Variants in RBAK observed in about 807,000 individuals in gnomAD.
RBAK encodes RB-associated KRAB zinc finger protein.
RBAK carries 39 observed loss-of-function variants against 65.8 expected under a neutral mutation model. The observed-to-expected ratio is 0.59, with a 90% CI of 0.46 to 0.77. RBAK has a LOEUF of 0.77. Among genes scored for constraint, RBAK ranks in the 30% least tolerant of loss-of-function variants. The probability of loss-of-function intolerance (pLI) is 0.00; values close to 1 mark genes in which losing one functional copy is unlikely to be tolerated. For missense variants in RBAK, 884 were observed against 855.1 expected (o/e 1.03, Z -0.42); for synonymous variants, 343 against 289.7 (o/e 1.18, Z -1.87).
Position 5,057,792 on chromosome 7 carries a change from C to G in RBAK, c.238+13C>G. The G allele has an allele frequency of 6.2e-7, 1 of 1,613,556 alleles. No homozygotes were observed. The highest frequency in any genetic ancestry group is 8.5e-7 in the Non-Finnish European group (1 of 1,179,626). On this transcript the variant is annotated intron_variant, in intron 4 of 4. Transcript: ENST00000396912. ...CAACATAGTCCAGGTAAGTTAGTAG[C>G]GTATCAAAGGTTAAAAAATGCTCAT...
In RBAK at chr7:5,057,929, T is replaced by A. The variant is rs752667372; in HGVS notation, c.238+150T>A. 3 of 786,220 alleles carry A rather than the reference T, an allele frequency of 3.8e-6. No individual in the cohort carries two copies. The African/African-American group carries it at 5.3e-5, about 14-fold the overall frequency. 48.7% of individuals were successfully genotyped at this position (786,220 alleles called of 1,614,324 possible). A position where few individuals can be genotyped will look rare whatever the true frequency, so the allele number is the denominator to read the frequency against. On this transcript the variant is annotated intron_variant, in intron 4 of 4. Transcript: ENST00000396912. ...TTCCCGCACACATACATGAACTCTT[T>A]TGTTGATTTTACATTTGATTTACAT...
Position 5,068,923 on chromosome 7 carries a change from C to T in RBAK, c.*3322C>T, listed in dbSNP as rs1204426567. ...GAATGAAAGACTCCAGACACAAAAGCCAACATGCTGTATGATTCCTTCTAT... is the reference window on the plus strand; with the variant it reads ...GAATGAAAGACTCCAGACACAAAAGTCAACATGCTGTATGATTCCTTCTAT... On this transcript the variant is annotated 3_prime_UTR_variant, in exon 5 of 5. Coordinates refer to ENST00000396912, the MANE Select transcript of RBAK (RefSeq NM_021163.4). The T allele has an allele frequency of 2.0e-5, 3 of 152,284 alleles. No individual in the cohort carries two copies. The highest frequency in any genetic ancestry group is 4.1e-4 in the South Asian group (2 of 4,828). 9.4% of individuals were successfully genotyped at this position (152,284 alleles called of 1,614,324 possible). A position where few individuals can be genotyped will look rare whatever the true frequency, so the allele number is the denominator to read the frequency against.
At chr7:5,057,048 A>T (rs892301452) in intron 2 of RBAK, 38 of 195,032 alleles carry the variant, frequency 1.9e-4, no homozygotes, top group Non-Finnish European at 3.2e-4. Flanking sequence ...TTGGGTTTTT[A>T]TTTTTGTGGG....
chr7:5,061,952 A>G (rs1272603058), intron 4 of RBAK, among the ~76,000 whole-genome samples: 3 of 151,990 alleles, frequency 2.0e-5, no homozygotes, highest in African/African-American at 7.2e-5. Flanking sequence ...TCTTTTGGAC[A>G]TTCACATGCC....
intron 4 of RBAK, among the ~76,000 whole-genome samples, chr7:5,061,027 T>C (rs1779056892): frequency 6.6e-6 from 1 of 152,230 alleles, no homozygotes; most frequent in South Asian, 2.1e-4. Flanking sequence ...CTTGTTTGTA[T>C]TCAGAATTAA....
Position 5,065,426 on chromosome 7 carries a change from G to A in RBAK, c.1970G>A (p.Gly657Glu). The change falls in exon 5 of 5, where the codon GGG (glycine) becomes GAG (glutamate). Residue 657 changes from glycine (G) to glutamate (E), a missense_variant. Gly to Glu is a moderately conservative substitution (Grantham distance 98). Transcript: ENST00000396912. The surrounding 1 kb of genome is among the most constrained non-coding windows in gnomAD (Gnocchi z 5.3). ...GEKPYECNEC[G>E]KVFSQKSYLT... is the part of the protein sequence containing the mutation. Reference sequence around the variant, plus strand: ...AAACCCTATGAATGTAATGAATGTGGGAAAGTCTTTTCTCAGAAGTCATAC... The same window carrying A: ...AAACCCTATGAATGTAATGAATGTGAGAAAGTCTTTTCTCAGAAGTCATAC... The A allele has an allele frequency of 6.2e-7, 1 of 1,613,940 alleles. No individual in the cohort carries two copies. Among genetic ancestry groups the A allele is most frequent in the Non-Finnish European group, 8.5e-7 (1 of 1,179,900 alleles).
intron 4 of RBAK, among the ~76,000 whole-genome samples, chr7:5,058,956 T>C (rs1339911456): frequency 6.6e-6 from 1 of 152,262 alleles, no homozygotes. Context: ...TTGAATATTT[T>C]ACTTGACAAC....
intron 4 of RBAK, among the ~76,000 whole-genome samples, chr7:5,058,691 T>C (rs113755100): frequency 0.01 from 1,525 of 152,264 alleles, 18 homozygotes; most frequent in African/African-American, 0.032. Context: ...GTGTGTTCAT[T>C]TCCCCTTCCC....
At position 5,045,892 on chromosome 7, in the gene RBAK, CCG is replaced by C. The variant is rs1787963772; in HGVS notation, c.-547_-546del. On this transcript the variant is annotated 5_prime_UTR_variant, in exon 1 of 5. Transcript: ENST00000396912. ...TCGCTTCCTGTGCGTCCTCAGGTCA[CCG>C]CTTGCTCTAGTTCCCAGGCTTTGGC... 2.9e-6 allele frequency: 1 copy of C among 348,582 alleles called. No homozygotes were observed. Among genetic ancestry groups the C allele is most frequent in the South Asian group, 2.1e-5 (1 of 48,484 alleles). The allele number at this position is 348,582 out of a possible 1,614,324, so 21.6% of individuals were successfully genotyped here. A position where few individuals can be genotyped will look rare whatever the true frequency, so the allele number is the denominator to read the frequency against.
At chr7:5,056,673 C>T (rs1233750143) in intron 2 of RBAK, among the ~76,000 whole-genome samples, 1 of 152,138 alleles carries the variant, frequency 6.6e-6, no homozygotes, top group South Asian at 2.1e-4. Flanking sequence ...ATATTTATTG[C>T]TCCAAGATTG....
Position 5,068,026 on chromosome 7 carries a change from A to G in RBAK, c.*2425A>G, listed in dbSNP as rs1024170089. The G allele has an allele frequency of 6.6e-6, 1 of 152,206 alleles. No homozygotes were observed. Among genetic ancestry groups the G allele is most frequent in the Non-Finnish European group, 1.5e-5 (1 of 68,030 alleles). The allele number at this position is 152,206 out of a possible 1,614,324, so 9.4% of individuals were successfully genotyped here. On this transcript the variant is annotated 3_prime_UTR_variant, in exon 5 of 5. Coordinates refer to ENST00000396912, the MANE Select transcript of RBAK (RefSeq NM_021163.4). ...CATTAACCCATAAAATTAGAACTTAATATTAAATTTGAGAACTTCTATTTA... is the reference window on the plus strand; with the variant it reads ...CATTAACCCATAAAATTAGAACTTAGTATTAAATTTGAGAACTTCTATTTA...
intron 2 of RBAK, among the ~76,000 whole-genome samples, chr7:5,052,055 AT>A (rs1788128489): frequency 6.6e-6 from 1 of 152,160 alleles, no homozygotes; most frequent in African/African-American, 2.4e-5. Flanking sequence ...TATGTATTAT[AT>A]TAGATACATA....
chr7:5,060,875 A>G (rs1021379337), intron 4 of RBAK, among the ~76,000 whole-genome samples: 1 of 152,210 alleles, frequency 6.6e-6, no homozygotes, highest in African/African-American at 2.4e-5. Flanking sequence ...GGTTGCATTG[A>G]ATGTGGGTGA....
chr7:5,050,062 C>G (rs989459688), intron 2 of RBAK, among the ~76,000 whole-genome samples: 3 of 152,168 alleles, frequency 2.0e-5, no homozygotes, highest in Non-Finnish European at 2.9e-5. Context: ...GTCTCAAACT[C>G]CTGACCTCAA....
At chr7:5,053,494 G>A (rs1788159709) in intron 2 of RBAK, among the ~76,000 whole-genome samples, 1 of 151,918 alleles carries the variant, frequency 6.6e-6, no homozygotes, top group Non-Finnish European at 1.5e-5. Context: ...GGGGATCACT[G>A]AACTTCTTGG....
intron 4 of RBAK, among the ~76,000 whole-genome samples, chr7:5,062,105 G>A (rs558762316): frequency 2.7e-4 from 41 of 152,284 alleles, no homozygotes; most frequent in African/African-American, 9.1e-4. Context: ...TTGATATGAA[G>A]TGATATCTTG....
Position 5,053,632 on chromosome 7 carries a change from C to T in RBAK, c.16-3663C>T, listed in dbSNP as rs1395623346. 2.6e-5 allele frequency among the ~76,000 whole-genome samples: 4 copies of T among 152,310 alleles called. No homozygotes were observed. In the East Asian group the frequency reaches 7.7e-4, roughly 29 times the overall value. On this transcript the variant is annotated intron_variant, in intron 2 of 4. Coordinates refer to ENST00000396912, the MANE Select transcript of RBAK (RefSeq NM_021163.4). Reference sequence around the variant, plus strand: ...CCACTTGAAATTTTCCCACAACACACTGTTGCTCTTTATTTGCTTTTAATT... The same window carrying T: ...CCACTTGAAATTTTCCCACAACACATTGTTGCTCTTTATTTGCTTTTAATT...
At chr7:5,062,608 C>T (rs1211115678) in intron 4 of RBAK, among the ~76,000 whole-genome samples, 7 of 152,146 alleles carry the variant, frequency 4.6e-5, no homozygotes, top group Admixed American at 1.3e-4. Flanking sequence ...GACAGGGTTT[C>T]GAGAGCAACC....
rs779546149 is a variant in RBAK at position 5,065,430 on chromosome 7, A to G, written c.1974A>G (p.Lys658=). 12 of 1,614,042 alleles carry G rather than the reference A, an allele frequency of 7.4e-6. No homozygotes were observed. The African/African-American group carries it at 1.2e-4, about 16-fold the overall frequency. The change falls in exon 5 of 5, where the codon AAA becomes AAG. Residue 658 remains lysine, a synonymous_variant. Transcript: ENST00000396912. The surrounding 1 kb of genome is among the most constrained non-coding windows in gnomAD (Gnocchi z 5.3). ...CCTATGAATGTAATGAATGTGGGAA[A>G]GTCTTTTCTCAGAAGTCATACCTCA... ...EKPYECNECG[K]VFSQKSYLTV...
Sources: allele counts gnomAD v4.1 joint callset (sites outside exome capture counted in the v4.1 genomes callset), GRCh38; gene constraint gnomAD v4.1.1; non-coding constraint Gnocchi (gnomAD v3.1); transcripts MANE v1.5; gene names NCBI Gene and HGNC (gene_info 2026-07-23, HGNC 2026-07-21).